The following IL1RAPL1 variants were observed in gnomAD, a reference collection of about 807,000 sequenced individuals.
IL1RAPL1 encodes the protein interleukin-1 receptor accessory protein-like 1.
In IL1RAPL1, 3 loss-of-function variants were observed where a neutral mutation model predicts 48.4. The observed-to-expected ratio is 0.06, with a 90% confidence interval of 0.03 to 0.16. The LOEUF (loss-of-function observed/expected upper bound fraction) is 0.16. IL1RAPL1 is among the 10% of genes least tolerant of loss of function. IL1RAPL1 has a pLI of 1.00. For synonymous variants in IL1RAPL1, 185 were observed against 187.7 expected (o/e 0.99, Z 0.12); for missense variants, 349 against 530.6 (o/e 0.66, Z 3.36).
intron 1 of IL1RAPL1, among the ~76,000 whole-genome samples, chrX:28,644,668 T>C (rs1346904375): frequency 8.9e-6 from 1 of 111,851 alleles, no homozygotes; most frequent in Non-Finnish European, 1.9e-5. Context: ...ATGCTTATCT[T>C]CATTTTCTTA....
intron 2 of IL1RAPL1, among the ~76,000 whole-genome samples, chrX:28,899,264 G>A (rs754967101): frequency 1.8e-5 from 2 of 111,349 alleles, no homozygotes; most frequent in African/African-American, 3.3e-5. Context: ...CACATGTGGG[G>A]ATTATAATTC....
chrX:29,080,515 A>G (rs935574513), intron 2 of IL1RAPL1, among the ~76,000 whole-genome samples: 1 of 111,437 alleles, frequency 9.0e-6, no homozygotes, highest in African/African-American at 3.3e-5. Context: ...GCTTTAATCT[A>G]TGAACAAGAT....
chrX:29,917,468 C>T lies in IL1RAPL1; in HGVS notation c.783C>T (p.Asp261=). 8.3e-7 allele frequency: 1 copy of T among 1,208,970 alleles called. No individual in the cohort carries two copies. Among genetic ancestry groups the T allele is most frequent in the Non-Finnish European group, 1.1e-6 (1 of 893,093 alleles). ...KLTIQETQLG[D]SANLTCRAFF... Reference sequence around the variant, plus strand: ...TTCCATCACTTCTCTCTGCAGGTGACTCTGCTAATCTAACCTGCAGAGCTT... The same window carrying T: ...TTCCATCACTTCTCTCTGCAGGTGATTCTGCTAATCTAACCTGCAGAGCTT... Residue 261 remains aspartate, a synonymous_variant, in exon 7 of 11, where the codon GAC becomes GAT. Coordinates refer to ENST00000378993, the MANE Select transcript of IL1RAPL1 (RefSeq NM_014271.4).
chrX:29,042,315 A>T (rs961399122), intron 2 of IL1RAPL1, among the ~76,000 whole-genome samples: 1 of 111,750 alleles, frequency 8.9e-6, no homozygotes, highest in Non-Finnish European at 1.9e-5. Flanking sequence ...AGTTGGACAC[A>T]TAAAAGTTTT....
At chrX:29,799,262 C>T (rs1280629709) in intron 6 of IL1RAPL1, among the ~76,000 whole-genome samples, 5 of 112,167 alleles carry the variant, frequency 4.5e-5, no homozygotes, top group Admixed American at 9.5e-5. Context: ...TTATACTTTT[C>T]TTGAATTGAA....
intron 1 of IL1RAPL1, among the ~76,000 whole-genome samples, chrX:28,604,572 C>A (rs1264261064): frequency 2.8e-5 from 3 of 108,818 alleles, no homozygotes; most frequent in Non-Finnish European, 5.7e-5. Flanking sequence ...GCTAAAAATA[C>A]AAAAATGTGC....
intron 5 of IL1RAPL1, among the ~76,000 whole-genome samples, chrX:29,441,761 A>G (rs748778320): frequency 8.9e-6 from 1 of 112,178 alleles, no homozygotes; most frequent in South Asian, 3.7e-4. Flanking sequence ...ATTCTCTTAT[A>G]CAGTTTCTGC....
In IL1RAPL1 at chrX:28,704,422, AC is replaced by A. The variant is rs1935340944; in HGVS notation, c.-24-84897del. ...TCATTAATTCATTTAAAACACACAA[AC>A]ACACACACACACACACACACACACA... On this transcript the variant is annotated intron_variant, in intron 1 of 10. Transcript: ENST00000378993. Among the ~76,000 whole-genome samples, 4 of 17,429 alleles carry A rather than the reference AC, an allele frequency of 2.3e-4. No homozygotes were observed. In the Admixed American group the frequency reaches 2.5e-3, roughly 11 times the overall value. 15.1% of individuals were successfully genotyped at this position (17,429 alleles called of 115,157 possible). A position where few individuals can be genotyped will look rare whatever the true frequency, so the allele number is the denominator to read the frequency against.
In IL1RAPL1 at chrX:28,659,650, T is replaced by A. The variant is rs1490644406; in HGVS notation, c.-25+71603T>A. ...TCCAATTAGTTGTAAGCATATTTTT[T>A]AAACCATGCTTACCTATGTTATACT... On this transcript the variant is annotated intron_variant, in intron 1 of 10. Transcript: ENST00000378993. Among the ~76,000 whole-genome samples, 36 of 111,742 alleles carry A rather than the reference T, an allele frequency of 3.2e-4. 1 individual carries two copies. In the Admixed American group the frequency reaches 3.2e-3, roughly 10 times the overall value.
intron 2 of IL1RAPL1, among the ~76,000 whole-genome samples, chrX:29,096,891 C>T (rs1370202161): frequency 9.1e-6 from 1 of 109,885 alleles, no homozygotes; most frequent in Non-Finnish European, 1.9e-5. Flanking sequence ...AAATGTTTCC[C>T]AGGGTGAGAA....
At chrX:29,279,825 A>G (rs1225228091) in intron 2 of IL1RAPL1, among the ~76,000 whole-genome samples, 4 of 112,297 alleles carry the variant, frequency 3.6e-5, no homozygotes, top group African/African-American at 6.5e-5. Flanking sequence ...AGTAATATCT[A>G]TATGCATTCC....
chrX:29,225,595 A>G (rs1218775932), intron 2 of IL1RAPL1, among the ~76,000 whole-genome samples: 2 of 111,946 alleles, frequency 1.8e-5, no homozygotes, highest in Non-Finnish European at 3.8e-5. Flanking sequence ...CACTGAAGCA[A>G]AAGGTGAAAG....
chrX:29,265,128 G>A (rs1437384109), intron 2 of IL1RAPL1, among the ~76,000 whole-genome samples: 1 of 110,773 alleles, frequency 9.0e-6, no homozygotes, highest in Non-Finnish European at 1.9e-5. Context: ...GGTCAGGCTG[G>A]TCTCGAACTC....
chrX:28,994,349 T>C (rs1311378408), intron 2 of IL1RAPL1, among the ~76,000 whole-genome samples: 1 of 111,779 alleles, frequency 8.9e-6, no homozygotes. Flanking sequence ...CTTTGTATGC[T>C]TATTTCAAAG....
chrX:29,100,960 G>T (rs1171153690), intron 2 of IL1RAPL1, among the ~76,000 whole-genome samples: 1 of 111,549 alleles, frequency 9.0e-6, no homozygotes, highest in Non-Finnish European at 1.9e-5. Context: ...GTGAATGTTG[G>T]TATACAATGG....
At chrX:29,823,606 G>C (rs1930668196) in intron 6 of IL1RAPL1, among the ~76,000 whole-genome samples, 1 of 111,952 alleles carries the variant, frequency 8.9e-6, no homozygotes, top group African/African-American at 3.2e-5. Context: ...GGCAATTCAT[G>C]TATAAGACTT....
chrX:29,714,696 G>T (rs749363330), intron 6 of IL1RAPL1, among the ~76,000 whole-genome samples: 1 of 111,839 alleles, frequency 8.9e-6, no homozygotes, highest in Admixed American at 9.5e-5. Flanking sequence ...GATTATTCAT[G>T]TGCTAGGTCA....
chrX:29,120,072 G>T (rs1183164779), intron 2 of IL1RAPL1, among the ~76,000 whole-genome samples: 1 of 111,612 alleles, frequency 9.0e-6, no homozygotes, highest in Non-Finnish European at 1.9e-5. Flanking sequence ...ACTCACTTGT[G>T]AAGCTAACAG....
intron 1 of IL1RAPL1, among the ~76,000 whole-genome samples, chrX:28,773,336 C>T (rs139666612): frequency 1.8e-5 from 2 of 111,591 alleles, no homozygotes; most frequent in East Asian, 5.7e-4. Flanking sequence ...TTTGGCCTAC[C>T]AAAACACTTG....
Sources: gnomAD v4.1 joint callset for allele counts (sites outside exome capture counted in the v4.1 genomes callset) on GRCh38, gnomAD v4.1.1 for gene constraint, MANE v1.5 for transcripts, NCBI Gene and HGNC (gene_info 2026-07-23, HGNC 2026-07-21) for gene names.